The following AIFM2 variants were observed in gnomAD, a reference collection of about 807,000 sequenced individuals.
The protein encoded by AIFM2 is AIF family member 2, ferroptosis suppressor, also known as ferroptosis suppressor protein 1.
AIFM2 carries 38 observed loss-of-function variants against 35.7 expected under a neutral mutation model. The observed-to-expected ratio is 1.06, with a 90% CI of 0.82 to 1.39. AIFM2 has a LOEUF of 1.39. Among genes scored for constraint, AIFM2 ranks in the 40% most tolerant of loss-of-function variants. AIFM2 has a pLI of 0.00. For missense variants in AIFM2, 476 were observed against 491.2 expected (o/e 0.97, Z 0.29); for synonymous variants, 185 against 203.5 (o/e 0.91, Z 0.77).
intron 3 of AIFM2, among the ~76,000 whole-genome samples, chr10:70,121,684 C>T (rs2072508506): frequency 6.9e-6 from 1 of 144,550 alleles, no homozygotes; most frequent in South Asian, 2.1e-4. Context: ...CACTGAGCAA[C>T]ATACCAAGAC....
chr10:70,124,885 C>G (rs1466199801), intron 1 of AIFM2, among the ~76,000 whole-genome samples: 2 of 152,196 alleles, frequency 1.3e-5, no homozygotes, highest in Non-Finnish European at 2.9e-5. Context: ...CTGCAAAATT[C>G]TGCTTCTAGG....
chr10:70,129,889 TA>T (rs151315683), intron 1 of AIFM2, among the ~76,000 whole-genome samples: 31 of 149,288 alleles, frequency 2.1e-4, no homozygotes, highest in East Asian at 7.8e-4. Flanking sequence ...CCCCATCTTT[TA>T]AAAAAAAAAA....
chr10:70,131,973 G>A lies in AIFM2; in HGVS notation c.-14+761C>T, dbSNP rs896702093. 6.6e-6 allele frequency among the ~76,000 whole-genome samples: 1 copy of A among 152,154 alleles called. No individual in the cohort carries two copies. Among genetic ancestry groups the A allele is most frequent in the African/African-American group, 2.4e-5 (1 of 41,432 alleles). ...ATATCTGACTCTCTGCCCTATGCCT[G>A]TCCTCCTACAGGATCATCAGCCCCC... On this transcript the variant is annotated intron_variant, in intron 1 of 8. Coordinates refer to ENST00000307864, the MANE Select transcript of AIFM2 (RefSeq NM_032797.6). The surrounding 1 kb of genome is among the most constrained non-coding windows in gnomAD (Gnocchi z 4.1).
Position 70,125,338 on chromosome 10 carries a change from C to T in AIFM2, c.-13-1241G>A, listed in dbSNP as rs556719423. On this transcript the variant is annotated intron_variant, in intron 1 of 8. Coordinates refer to ENST00000307864, the MANE Select transcript of AIFM2 (RefSeq NM_032797.6). Reference sequence around the variant, plus strand: ...AGATGGGGCTGGGTGTAGCAGCTCACGCCTGTAATCCCAGCACTTTGGGAG... The same window carrying T: ...AGATGGGGCTGGGTGTAGCAGCTCATGCCTGTAATCCCAGCACTTTGGGAG... Among the ~76,000 whole-genome samples, 4 of 149,704 alleles carry T rather than the reference C, an allele frequency of 2.7e-5. No homozygotes were observed. The East Asian group carries it at 6.0e-4, about 22-fold the overall frequency.
intron 3 of AIFM2, among the ~76,000 whole-genome samples, chr10:70,122,601 C>T (rs910186690): frequency 6.6e-6 from 1 of 152,154 alleles, no homozygotes; most frequent in East Asian, 1.9e-4. Context: ...AAACCTCTGC[C>T]CCAGTGACGT....
Position 70,117,751 on chromosome 10 carries a change from C to G in AIFM2, c.616+61G>C. On this transcript the variant is annotated intron_variant, in intron 6 of 8. Transcript: ENST00000307864. This position sits in a 1 kb window ranked among gnomAD's most constrained non-coding sequence, Gnocchi z 4.7. ...CCTCCTGCTGGAAGCAGTCACCAAG[C>G]CTCCAAGCCACATCTCACCAGGCCA... 1 of 1,395,484 alleles carries G rather than the reference C, an allele frequency of 7.2e-7. No individual in the cohort carries two copies. The highest frequency in any genetic ancestry group is 1.3e-5 in the South Asian group (1 of 77,504). The allele number at this position is 1,395,484 out of a possible 1,614,324, so 86.4% of individuals were successfully genotyped here.
chr10:70,125,349 C>T (rs2072552994), intron 1 of AIFM2, among the ~76,000 whole-genome samples: 1 of 145,740 alleles, frequency 6.9e-6, no homozygotes, highest in Non-Finnish European at 1.5e-5. Flanking sequence ...GCCTGTAATC[C>T]CAGCACTTTG....
At chr10:70,114,454 G>T in intron 8 of AIFM2, 125 bp from the exon 9 acceptor site, 1 of 1,237,728 alleles carries the variant, frequency 8.1e-7, no homozygotes, top group Non-Finnish European at 1.1e-6. Context: ...GCTTTAGGAA[G>T]GTGGGTGAGA....
chr10:70,123,111 C>T (rs924242867), intron 3 of AIFM2, among the ~76,000 whole-genome samples: 4 of 152,138 alleles, frequency 2.6e-5, no homozygotes, highest in African/African-American at 9.7e-5. Flanking sequence ...CTGGAACTTC[C>T]ACCTCCGAAT....
rs1445375193 is a variant in AIFM2, at chr10:70,113,188, CTCTT to C, written c.*986_*989del. 2.0e-5 allele frequency: 3 copies of C among 152,224 alleles called. No individual in the cohort carries two copies. The highest frequency in any genetic ancestry group is 4.8e-5 in the African/African-American group (2 of 41,452). 9.4% of individuals were successfully genotyped at this position (152,224 alleles called of 1,614,324 possible). A position where few individuals can be genotyped will look rare whatever the true frequency, so the allele number is the denominator to read the frequency against. ...TAACCAGAAGAGCACATTTATCTAGCTCTTTCTTCTTAAATGAAACCTGTGGTAT... is the reference window on the plus strand; with the variant it reads ...TAACCAGAAGAGCACATTTATCTAGCTCTTCTTAAATGAAACCTGTGGTAT... On this transcript the variant is annotated 3_prime_UTR_variant, in exon 9 of 9. Coordinates refer to ENST00000307864, the MANE Select transcript of AIFM2 (RefSeq NM_032797.6).
chr10:70,119,736 C>G (rs950845251), intron 5 of AIFM2, among the ~76,000 whole-genome samples: 2 of 152,138 alleles, frequency 1.3e-5, no homozygotes, highest in African/African-American at 4.8e-5. Flanking sequence ...AAGAAAGATC[C>G]ATTCAGAGGC....
intron 8 of AIFM2, 122 bp downstream of exon 8, chr10:70,114,798 T>G: frequency 8.2e-7 from 1 of 1,220,854 alleles, no homozygotes; most frequent in Non-Finnish European, 1.2e-6. Flanking sequence ...TCTAAGGGGA[T>G]GTTTCCATCA....
In AIFM2 at chr10:70,127,873, CT is replaced by C. The variant is rs145265275; in HGVS notation, c.-13-3777del. Among the ~76,000 whole-genome samples the C allele has an allele frequency of 5.3e-3, 811 of 152,364 alleles. 7 individuals are homozygous for C. Among genetic ancestry groups the C allele is most frequent in the African/African-American group, 0.019 (775 of 41,594 alleles). ...CTCTTCAGGCTGCCTGAGGCCTCTC[CT>C]GCAATCTGCTCTCTCTCTCTTCTCT... On this transcript the variant is annotated intron_variant, in intron 1 of 8. Coordinates refer to ENST00000307864, the MANE Select transcript of AIFM2 (RefSeq NM_032797.6).
In AIFM2 at chr10:70,112,418, C is replaced by A. The variant is rs976552867; in HGVS notation, c.*1760G>T. 5 of 152,222 alleles carry A rather than the reference C, an allele frequency of 3.3e-5. No homozygotes were observed. Among genetic ancestry groups the A allele is most frequent in the African/African-American group, 1.2e-4 (5 of 41,458 alleles). The allele number at this position is 152,222 out of a possible 1,614,324, so 9.4% of individuals were successfully genotyped here. On this transcript the variant is annotated 3_prime_UTR_variant, in exon 9 of 9. Transcript: ENST00000307864. ...ATTCCCACCTCGCTGGACCCCAGGT[C>A]AGATAGCACCAGGGCCTGTGTTTCT...
intron 1 of AIFM2, among the ~76,000 whole-genome samples, chr10:70,126,829 G>T (rs922027878): frequency 6.6e-6 from 1 of 152,216 alleles, no homozygotes; most frequent in Non-Finnish European, 1.5e-5. Context: ...GTTGTTTCTC[G>T]TGGGTCAAAT....
intron 5 of AIFM2, chr10:70,118,332 C>T (rs1287340578): frequency 5.4e-5 from 9 of 166,304 alleles, no homozygotes; most frequent in Non-Finnish European, 9.0e-5. Context: ...TACTTGCTGT[C>T]TGGGACAACA....
Position 70,114,043 on chromosome 10 carries a change from C to A in AIFM2, c.*135G>T. The stretch of plus-strand genomic sequence containing the variant: ...TCCCATTTTTGTTTTATACAAGTTG[C>A]ATTTCTAGCCACCACATCATTGGCA... On this transcript the variant is annotated 3_prime_UTR_variant, in exon 9 of 9. Coordinates refer to ENST00000307864, the MANE Select transcript of AIFM2 (RefSeq NM_032797.6). 8.5e-7 allele frequency: 1 copy of A among 1,172,204 alleles called. No individual in the cohort carries two copies. The highest frequency in any genetic ancestry group is 1.2e-6 in the Non-Finnish European group (1 of 856,658). 72.6% of individuals were successfully genotyped at this position (1,172,204 alleles called of 1,614,324 possible). A position where few individuals can be genotyped will look rare whatever the true frequency, so the allele number is the denominator to read the frequency against.
At position 70,117,774 on chromosome 10, in the gene AIFM2, CCAGGG is replaced by C. The variant is rs2136654363; in HGVS notation, c.616+33_616+37del. ...AGCCTCCAAGCCACATCTCACCAGG[CCAGGG>C]CAGGGCAGGGAGGGAGGTGAGGGTG... is the stretch of plus-strand genomic sequence containing the variant. On this transcript the variant is annotated intron_variant, in intron 6 of 8. Coordinates refer to ENST00000307864, the MANE Select transcript of AIFM2 (RefSeq NM_032797.6). The surrounding 1 kb of genome is among the most constrained non-coding windows in gnomAD (Gnocchi z 4.7). The C allele has an allele frequency of 1.9e-6, 3 of 1,550,678 alleles. No individual in the cohort carries two copies. Among genetic ancestry groups the C allele is most frequent in the Admixed American group, 1.9e-5 (1 of 53,558 alleles).
intron 8 of AIFM2, among the ~76,000 whole-genome samples, chr10:70,114,569 G>A (rs1216489550): frequency 6.6e-6 from 1 of 152,068 alleles, no homozygotes; most frequent in East Asian, 1.9e-4. Context: ...CCACCTCCTG[G>A]GTTCAAGCCA....
Sources: allele counts gnomAD v4.1 joint callset (sites outside exome capture counted in the v4.1 genomes callset), GRCh38; gene constraint gnomAD v4.1.1; non-coding constraint Gnocchi (gnomAD v3.1); transcripts MANE v1.5; gene names NCBI Gene and HGNC (gene_info 2026-07-23, HGNC 2026-07-21).